The following HMCN2 variants were observed in gnomAD, a reference collection of about 807,000 sequenced individuals.
HMCN2 encodes the protein hemicentin-2.
In HMCN2, 325 loss-of-function variants were observed where a neutral mutation model predicts 377.5. That is an observed-to-expected ratio of 0.86 (90% CI 0.79 to 0.94). HMCN2 has a LOEUF of 0.94. HMCN2 is among the 40% of genes least tolerant of loss of function. The pLI, the probability that HMCN2 is intolerant of heterozygous loss-of-function variation, is 0.00. For missense variants in HMCN2, 4,543 were observed against 4,725.3 expected (o/e 0.96, Z 1.13); for synonymous variants, 2,007 against 2,046.8 (o/e 0.98, Z 0.53).
At chr9:130,290,090 C>T (rs1301829270) in intron 4 of HMCN2, among the ~76,000 whole-genome samples, 2 of 152,192 alleles carry the variant, frequency 1.3e-5, no homozygotes, top group African/African-American at 4.8e-5. Flanking sequence ...CCCAGTGCAT[C>T]GCAGGCTCGC....
At chr9:130,405,890 CA>C in intron 81 of HMCN2, 64 bp from the exon 82 acceptor site, 8 of 1,164,724 alleles carry the variant, frequency 6.9e-6, no homozygotes, top group Non-Finnish European at 9.0e-6. Flanking sequence ...CTTCAAGGGT[CA>C]GGGGCATCCT....
In HMCN2 at chr9:130,371,129, C is replaced by A. The variant is rs925584957; in HGVS notation, c.7235C>A (p.Ala2412Glu). 1.0e-6 allele frequency: 1 copy of A among 985,708 alleles called. No homozygotes were observed. Among genetic ancestry groups the A allele is most frequent in the African/African-American group, 1.7e-5 (1 of 57,234 alleles). The allele number at this position is 985,708 out of a possible 1,614,324, so 61.1% of individuals were successfully genotyped here. ...VSPGEDTYLL[A>E]GGWMLKMTQT... ...CCCGGGGAGGACACCTACCTGCTGG[C>A]AGGTAAGATACCAGCTAAGGTTGGA... Residue 2412 changes from alanine (A) to glutamate (E), a missense_variant and splice_region_variant, in exon 46 of 98, where the codon GCA (alanine) becomes GAA (glutamate). Coordinates refer to ENST00000683500, the MANE Select transcript of HMCN2 (RefSeq NM_001291815.2).
chr9:130,388,961 G>C (rs887441666), intron 62 of HMCN2, among the ~76,000 whole-genome samples: 23 of 152,314 alleles, frequency 1.5e-4, no homozygotes, highest in Middle Eastern at 3.4e-3. Flanking sequence ...CCCCATCCAG[G>C]CCTCCCCATT....
rs1045786693 is a variant in HMCN2, at chr9:130,372,353, C to T, written c.7297C>T (p.Leu2433=). The T allele has an allele frequency of 2.0e-6, 2 of 985,842 alleles. No homozygotes were observed. The highest frequency in any genetic ancestry group is 1.7e-5 in the African/African-American group (1 of 57,232). The allele number at this position is 985,842 out of a possible 1,614,324, so 61.1% of individuals were successfully genotyped here. A position where few individuals can be genotyped will look rare whatever the true frequency, so the allele number is the denominator to read the frequency against. ...GCAAGACAGTGGCCTCTACTCATGC[C>T]TGGCAAGCAACGAGGCTGGGGAGGC... ...QEQDSGLYSC[L]ASNEAGEARR... Residue 2433 remains leucine (L), a synonymous_variant, in exon 47 of 98, where the codon CTG becomes TTG. Transcript: ENST00000683500.
intron 53 of HMCN2, 113 bp downstream of exon 53, chr9:130,377,912 C>T (rs1841482185): frequency 2.5e-6 from 2 of 811,514 alleles, no homozygotes; most frequent in Non-Finnish European, 3.0e-6. Context: ...CCACCCGTGG[C>T]ATCTCCCACT....
At chr9:130,311,103 T>C (rs980259864) in intron 15 of HMCN2, among the ~76,000 whole-genome samples, 31 of 152,318 alleles carry the variant, frequency 2.0e-4, no homozygotes, top group African/African-American at 7.2e-4. Flanking sequence ...TCGGAAGCTG[T>C]GGGCACAGCT....
chr9:130,388,453 G>A lies in HMCN2; in HGVS notation c.9436G>A (p.Val3146Met). Reference sequence around the variant, plus strand: ...CCCCAAGACAGAGACAGTGAGCCAGGTGGCTGGGAGCCCCCTGGTCCTGAC... The same window carrying A: ...CCCCAAGACAGAGACAGTGAGCCAGATGGCTGGGAGCCCCCTGGTCCTGAC... ...ENPKTETVSQ[V>M]AGSPLVLTCD... Residue 3146 changes from valine (V) to methionine (M), a missense_variant, in exon 62 of 98, where the codon GTG becomes ATG. Val to Met is a conservative substitution (Grantham distance 21, BLOSUM62 1). This residue lies in a region of HMCN2 where 736 missense variants were observed against 773.2 expected (regional missense o/e 0.95). Transcript: ENST00000683500. The A allele has an allele frequency of 1.0e-6, 1 of 988,012 alleles. No homozygotes were observed. Among genetic ancestry groups the A allele is most frequent in the African/African-American group, 1.7e-5 (1 of 57,424 alleles). The allele number at this position is 988,012 out of a possible 1,614,324, so 61.2% of individuals were successfully genotyped here.
Position 130,402,828 on chromosome 9 carries a change from G to T in HMCN2, c.11810G>T (p.Gly3937Val). The T allele has an allele frequency of 7.8e-7, 1 of 1,289,698 alleles. No homozygotes were observed. Among genetic ancestry groups the T allele is most frequent in the Non-Finnish European group, 1.0e-6 (1 of 988,838 alleles). The allele number at this position is 1,289,698 out of a possible 1,614,324, so 79.9% of individuals were successfully genotyped here. ...GGGCAGGCCCTCCCCATCCACGCAG[G>T]CCGCTACACCTGCTCAGCCCGCAAC... is the stretch of plus-strand genomic sequence containing the variant. The part of the protein sequence containing the change: ...EIGQALPIHA[G>V]RYTCSARNSA... The change falls in exon 78 of 98, where the codon GGC becomes GTC. Residue 3937 changes from glycine (G) to valine (V), a missense_variant. Physicochemically the swap from Gly to Val is moderately radical, Grantham distance 109. This residue lies in a region of HMCN2 where 1,073 missense variants were observed against 1,319.5 expected (regional missense o/e 0.81). Coordinates refer to ENST00000683500, the MANE Select transcript of HMCN2 (RefSeq NM_001291815.2).
chr9:130,364,723 G>A lies in HMCN2; in HGVS notation c.6242G>A (p.Ser2081Asn), dbSNP rs1341000286. 4 of 986,040 alleles carry A rather than the reference G, an allele frequency of 4.1e-6. No individual in the cohort carries two copies. The East Asian group carries it at 3.4e-4, about 84-fold the overall frequency. The allele number at this position is 986,040 out of a possible 1,614,324, so 61.1% of individuals were successfully genotyped here. Residue 2081 changes from serine (S) to asparagine (N), a missense_variant, in exon 41 of 98, where the codon AGT (serine) becomes AAT (asparagine). Physicochemically the swap from Ser to Asn is conservative, Grantham distance 46. This residue lies in a region of HMCN2 where 1,032 missense variants were observed against 1,285.1 expected (regional missense o/e 0.80). Transcript: ENST00000683500. Reference protein sequence around the residue: ...DVVLQVHMPPSILGEELNVSV... With the variant: ...DVVLQVHMPPNILGEELNVSV... ...CTGCCCCCTCCTGCAGTGCCCCCGA[G>A]TATCCTTGGAGAAGAGCTGAATGTG...
At chr9:130,429,352 C>G in intron 93 of HMCN2, 1 of 625,366 alleles carries the variant, frequency 1.6e-6, no homozygotes, top group Non-Finnish European at 2.8e-6. Context: ...TCAGCCCCTT[C>G]CTTTCTCTGG....
In HMCN2 at chr9:130,358,131, C is replaced by T. The variant is rs889537316; in HGVS notation, c.5580+143C>T. On this transcript the variant is annotated intron_variant, in intron 35 of 97. Coordinates refer to ENST00000683500, the MANE Select transcript of HMCN2 (RefSeq NM_001291815.2). ...AGCCCTCTCAGCCTGAAAGGGTGAG[C>T]CTCAGCCTCTTCCGGGTCCTAGGAG... The T allele has an allele frequency of 1.1e-5, 8 of 748,774 alleles. No homozygotes were observed. In the African/African-American group the frequency reaches 1.5e-4, roughly 14 times the overall value. The allele number at this position is 748,774 out of a possible 1,614,324, so 46.4% of individuals were successfully genotyped here. A position where few individuals can be genotyped will look rare whatever the true frequency, so the allele number is the denominator to read the frequency against.
chr9:130,297,941 A>T (rs1348840683), intron 7 of HMCN2, among the ~76,000 whole-genome samples: 2 of 152,084 alleles, frequency 1.3e-5, no homozygotes, highest in Admixed American at 6.5e-5. Flanking sequence ...TCTGCTCTTG[A>T]TAAAGATGTA....
In HMCN2 at chr9:130,389,556, T is replaced by C. The variant is rs56043324; in HGVS notation, c.9523+1016T>C. On this transcript the variant is annotated intron_variant, in intron 62 of 97. Transcript: ENST00000683500. Reference sequence around the variant, plus strand: ...GTGTTTTCAAGTTTCATCCGTGTTGTAGCATGGATCAGTACTTCATTCTTT... The same window carrying C: ...GTGTTTTCAAGTTTCATCCGTGTTGCAGCATGGATCAGTACTTCATTCTTT... 3.8e-3 allele frequency among the ~76,000 whole-genome samples: 582 copies of C among 151,604 alleles called. 6 individuals are homozygous for C. The highest frequency in any genetic ancestry group is 0.014 in the African/African-American group (559 of 41,094).
chr9:130,433,141 C>T (rs1207614844), intron 97 of HMCN2: 1 of 490,194 alleles, frequency 2.0e-6, no homozygotes, highest in Non-Finnish European at 3.5e-6. Flanking sequence ...GGGCAGGCCT[C>T]TGGCTTCTCT....
chr9:130,425,639 T>TTC, intron 89 of HMCN2, 48 bp from the exon 90 acceptor site: 1 of 1,039,458 alleles, frequency 9.6e-7, no homozygotes, highest in Non-Finnish European at 1.4e-6. Flanking sequence ...GACCCCTTTC[T>TTC]CCCTCTCCCC....
rs1393176224 is a variant in HMCN2 at position 130,433,984 on chromosome 9, G to C, written c.*291G>C. ...GTCTGATCCGCCCCTCAGTGGGAGC[G>C]GGACAGGGACACAGGGCACCTGGAC... is the stretch of plus-strand genomic sequence containing the variant. On this transcript the variant is annotated 3_prime_UTR_variant, in exon 98 of 98. Transcript: ENST00000683500. 3 of 335,900 alleles carry C rather than the reference G, an allele frequency of 8.9e-6. No individual in the cohort carries two copies. The highest frequency in any genetic ancestry group is 4.8e-5 in the East Asian group (1 of 20,718). The allele number at this position is 335,900 out of a possible 1,614,324, so 20.8% of individuals were successfully genotyped here. A position where few individuals can be genotyped will look rare whatever the true frequency, so the allele number is the denominator to read the frequency against.
intron 16 of HMCN2, 77 bp from the exon 17 acceptor site, chr9:130,320,279 C>G (rs907897790): frequency 2.6e-5 from 4 of 152,392 alleles, no homozygotes; most frequent in African/African-American, 9.6e-5. Context: ...GTCTCTGCAC[C>G]TGGGGAGCTG....
intron 59 of HMCN2, 29 bp downstream of exon 59, chr9:130,384,827 C>A: frequency 8.0e-7 from 1 of 1,248,960 alleles, no homozygotes; most frequent in Non-Finnish European, 1.1e-6. Flanking sequence ...CCAACTTGTA[C>A]TGTCCCCACT....
intron 32 of HMCN2, 62 bp downstream of exon 32, chr9:130,355,106 C>T (rs1000392608): frequency 1.2e-5 from 14 of 1,188,396 alleles, no homozygotes; most frequent in Non-Finnish European, 1.5e-5. Context: ...AGGCCTGCTG[C>T]GTGCTTGTCC....
Sources: gnomAD v4.1 joint callset for allele counts (sites outside exome capture counted in the v4.1 genomes callset) on GRCh38, gnomAD v4.1.1 for gene constraint, gnomAD v4.1.1 regional missense constraint, MANE v1.5 for transcripts, NCBI Gene and HGNC (gene_info 2026-07-23, HGNC 2026-07-21) for gene names.